The following PRSS23 variants were observed in gnomAD, a reference collection of about 807,000 sequenced individuals.
PRSS23 encodes the protein serine protease 23.
A neutral mutation model predicts 34.7 loss-of-function variants in PRSS23; 25 were observed. The ratio of observed to expected loss-of-function variants is 0.72; its 90% confidence interval spans 0.53 to 1.01. The LOEUF is 1.01. Ranked by LOEUF, PRSS23 falls within the 50% of genes least tolerant of loss-of-function variation. The pLI is 0.00. For missense variants in PRSS23, 445 were observed against 475.6 expected (o/e 0.94, Z 0.60); for synonymous variants, 176 against 186.6 (o/e 0.94, Z 0.46).
chr11:86,830,201 G>T (rs984242416), intron 2 of PRSS23, among the ~76,000 whole-genome samples: 1 of 152,108 alleles, frequency 6.6e-6, no homozygotes, highest in Non-Finnish European at 1.5e-5. Context: ...AATGGTGGGC[G>T]CCCCTCCCCC....
intron 2 of PRSS23, among the ~76,000 whole-genome samples, chr11:86,897,586 C>A (rs1948885232): frequency 6.6e-6 from 1 of 152,166 alleles, no homozygotes; most frequent in Middle Eastern, 3.2e-3. Flanking sequence ...AATCCTCCTG[C>A]CTCAGCCTCC....
At chr11:86,877,751 T>C (rs1423383539) in intron 2 of PRSS23, among the ~76,000 whole-genome samples, 3 of 152,054 alleles carry the variant, frequency 2.0e-5, no homozygotes, top group Non-Finnish European at 2.9e-5. Flanking sequence ...TGCTTTGAAA[T>C]CAGGAAGTGT....
intron 2 of PRSS23, among the ~76,000 whole-genome samples, chr11:86,927,429 T>A (rs1001654503): frequency 6.6e-6 from 1 of 152,210 alleles, no homozygotes; most frequent in South Asian, 2.1e-4. Context: ...TTGAGTAGAA[T>A]AACTGGCATC....
At chr11:86,801,521 C>G (rs1252504484) in intron 1 of PRSS23, among the ~76,000 whole-genome samples, 1 of 152,180 alleles carries the variant, frequency 6.6e-6, no homozygotes, top group African/African-American at 2.4e-5. Context: ...TCTCTCAGCT[C>G]CTGAAACTAA....
At chr11:86,825,347 T>C (rs895822598) in intron 2 of PRSS23, among the ~76,000 whole-genome samples, 39 of 152,282 alleles carry the variant, frequency 2.6e-4, no homozygotes, top group African/African-American at 9.1e-4. Flanking sequence ...TTCTTGTAAA[T>C]TTGTTTGAGT....
At chr11:86,838,079 T>C (rs1948420342) in intron 2 of PRSS23, among the ~76,000 whole-genome samples, 1 of 152,058 alleles carries the variant, frequency 6.6e-6, no homozygotes, top group Non-Finnish European at 1.5e-5. Flanking sequence ...CACTCTTTTT[T>C]TTTTTTCAAT....
chr11:86,882,869 T>C (rs1172610911), intron 2 of PRSS23, among the ~76,000 whole-genome samples: 1 of 152,192 alleles, frequency 6.6e-6, no homozygotes, highest in African/African-American at 2.4e-5. Context: ...CATCTGTTAT[T>C]TTTTCACTTT....
exon 3 of PRSS23, chr11:86,951,307 CAT>C: frequency 6.2e-7 from 1 of 1,614,112 alleles, no homozygotes; most frequent in Non-Finnish European, 8.5e-7. Context: ...CCAACAAAGA[CAT>C]AAAAATTTTC....
intron 2 of PRSS23, among the ~76,000 whole-genome samples, chr11:86,884,447 G>A (rs1590912294): frequency 1.3e-5 from 2 of 152,016 alleles, no homozygotes; most frequent in Admixed American, 6.6e-5. Context: ...TTACAGGCAC[G>A]TGCCACCAAA....
chr11:86,800,774 A>C, intron 1 of PRSS23, 123 bp downstream of exon 1: 2 of 470,772 alleles, frequency 4.2e-6, no homozygotes, highest in Non-Finnish European at 5.6e-6. Context: ...GAGGCACCGC[A>C]GGACTTCGCC....
At chr11:86,939,779 A>AGG (rs1301203213) in intron 2 of PRSS23, among the ~76,000 whole-genome samples, 2 of 74,156 alleles carry the variant, frequency 2.7e-5, no homozygotes, top group Non-Finnish European at 6.7e-5. Context: ...TTTTTTTTAA[A>AGG]GGGGTGGGTG....
At chr11:86,911,571 A>G (rs756031848) in intron 2 of PRSS23, 19 of 152,180 alleles carry the variant, frequency 1.2e-4, no homozygotes, top group Non-Finnish European at 2.5e-4. Flanking sequence ...GAGAACATGC[A>G]GTATCGGATT....
In PRSS23 at chr11:86,820,661, C is replaced by T. The variant is rs544799094; in HGVS notation, c.-11-2716C>T. Among the ~76,000 whole-genome samples, 69 of 152,278 alleles carry T rather than the reference C, an allele frequency of 4.5e-4. No individual in the cohort carries two copies. In the Middle Eastern group the frequency reaches 0.01, roughly 23 times the overall value. On this transcript the variant is annotated intron_variant, in intron 1 of 2. Transcript: ENST00000533902. ...AAAAACTATAAACAGAATTTTAAAACACTTTATCTCATTTGAGGAAAGTTA... is the reference window on the plus strand; with the variant it reads ...AAAAACTATAAACAGAATTTTAAAATACTTTATCTCATTTGAGGAAAGTTA...
chr11:86,822,620 T>TAAA lies in PRSS23; in HGVS notation c.-11-739_-11-737dup, dbSNP rs113888066. Among the ~76,000 whole-genome samples the TAAA allele has an allele frequency of 6.2e-3, 634 of 102,028 alleles. 8 individuals carry two copies. The highest frequency in any genetic ancestry group is 0.019 in the African/African-American group (540 of 27,994). The allele number at this position is 102,028 out of a possible 152,430, so 66.9% of individuals were successfully genotyped here. On this transcript the variant is annotated intron_variant, in intron 1 of 2. Coordinates refer to the PRSS23 transcript ENST00000533902. ...TGGGCGACAAGAGTGTGAACCTGAC[T>TAAA]AAAAAAAAAAAAAAAAAAAATGCAG...
At chr11:86,851,802 T>C (rs1348874905) in intron 2 of PRSS23, among the ~76,000 whole-genome samples, 1 of 152,198 alleles carries the variant, frequency 6.6e-6, no homozygotes, top group Non-Finnish European at 1.5e-5. Context: ...ATCTTCCTTT[T>C]TATCCTCATC....
intron 2 of PRSS23, chr11:86,857,512 G>C (rs541413940): frequency 1.2e-4 from 53 of 452,334 alleles, no homozygotes; most frequent in Middle Eastern, 3.3e-4. Flanking sequence ...AAGGTGAGTT[G>C]TGTAACACAA....
chr11:86,878,900 GCGTCTCTGCCCGGCCGC>G (rs1212977510), intron 2 of PRSS23, among the ~76,000 whole-genome samples: 12 of 143,380 alleles, frequency 8.4e-5, no homozygotes, highest in South Asian at 4.5e-4. Context: ...GAAGTGAGGA[GCGTCTCTGCCCGGCCGC>G]CATCCCGTCT....
intron 2 of PRSS23, among the ~76,000 whole-genome samples, chr11:86,866,491 A>C (rs1049735821): frequency 6.6e-6 from 1 of 152,234 alleles, no homozygotes; most frequent in Non-Finnish European, 1.5e-5. Context: ...TCATTTATTT[A>C]AAATCCATTC....
intron 2 of PRSS23, among the ~76,000 whole-genome samples, chr11:86,939,744 G>A (rs1949194569): frequency 7.1e-6 from 1 of 141,410 alleles, no homozygotes; most frequent in Admixed American, 7.6e-5. Flanking sequence ...CCAAAAGGAA[G>A]GTCTGTTGTT....
Sources: allele counts gnomAD v4.1 joint callset (sites outside exome capture counted in the v4.1 genomes callset), GRCh38; gene constraint gnomAD v4.1.1; transcripts MANE v1.5; gene names NCBI Gene and HGNC (gene_info 2026-07-23, HGNC 2026-07-21).